Variants in HELQ observed in about 807,000 individuals in gnomAD.
HELQ encodes the protein helicase, POLQ like.
A neutral mutation model predicts 111.6 loss-of-function variants in HELQ; 77 were observed. The ratio of observed to expected loss-of-function variants is 0.69; its 90% CI spans 0.57 to 0.83. The LOEUF (loss-of-function observed/expected upper bound fraction) is 0.83. Ranked by LOEUF, HELQ falls within the 40% of genes least tolerant of loss-of-function variation. The pLI is 0.00. For missense variants in HELQ, 1,200 were observed against 1,288.5 expected (o/e 0.93, Z 1.05); for synonymous variants, 438 against 454.7 (o/e 0.96, Z 0.47).
chr4:83,420,550 C>T (rs1739621957), intron 15 of HELQ, among the ~76,000 whole-genome samples: 1 of 152,076 alleles, frequency 6.6e-6, no homozygotes, highest in Non-Finnish European at 1.5e-5. Flanking sequence ...TTTGCGAAGC[C>T]CAGGCAGGTG....
Position 83,439,872 on chromosome 4 carries a change from AATTTGC to A in HELQ, c.1793_1798del (p.Cys598_Lys599del), listed in dbSNP as rs1366069269. 1.3e-6 allele frequency: 2 copies of A among 1,578,896 alleles called. No individual in the cohort carries two copies. The highest frequency in any genetic ancestry group is 1.4e-5 in the African/African-American group (1 of 73,386). ...AAAAATATTAACATACTTGCTTAAA[AATTTGC>A]ATATCATTTCTGCTACATTTTCACA... is the stretch of plus-strand genomic sequence containing the variant. On this transcript the variant is annotated inframe_deletion, in exon 8 of 18. Transcript: ENST00000295488.
intron 2 of HELQ, among the ~76,000 whole-genome samples, chr4:83,451,790 G>A (rs1721388730): frequency 6.6e-6 from 1 of 152,228 alleles, no homozygotes; most frequent in Admixed American, 6.5e-5. Flanking sequence ...GGGAAGAACA[G>A]AGGGAAGAAA....
chr4:83,440,643 T>A (rs1720710726), intron 7 of HELQ, among the ~76,000 whole-genome samples: 1 of 152,218 alleles, frequency 6.6e-6, no homozygotes. Flanking sequence ...ATACAAGTCA[T>A]AAAACACTAA....
chr4:83,447,669 G>A (rs1721123610), intron 3 of HELQ, among the ~76,000 whole-genome samples: 1 of 151,924 alleles, frequency 6.6e-6, no homozygotes. Context: ...GATCAGCCTG[G>A]CCAACATGGC....
At chr4:83,441,223 T>C (rs1445473592) in intron 7 of HELQ, 82 bp downstream of exon 7, 4 of 762,900 alleles carry the variant, frequency 5.2e-6, no homozygotes, top group South Asian at 1.6e-5. Context: ...ATCTAGACTA[T>C]TCTACGGAAT....
chr4:83,427,177 T>C (rs1249103598), intron 13 of HELQ, among the ~76,000 whole-genome samples: 1 of 152,200 alleles, frequency 6.6e-6, no homozygotes, highest in Non-Finnish European at 1.5e-5. Flanking sequence ...AATCTTTTTT[T>C]CTTTTTTTTA....
rs1382958268 is a variant in HELQ, at chr4:83,443,513, A to C, written c.1563+4T>G. 1.4e-6 allele frequency: 2 copies of C among 1,391,644 alleles called. No homozygotes were observed. The highest frequency in any genetic ancestry group is 2.0e-6 in the Non-Finnish European group (2 of 988,628). The allele number at this position is 1,391,644 out of a possible 1,614,324, so 86.2% of individuals were successfully genotyped here. On this transcript the variant is annotated splice_donor_region_variant and intron_variant, in intron 6 of 17. Transcript: ENST00000295488. ...TCAATACAGTGCAAACCTTAGGTACATACTGGTCTAAATTGACTGGTATAA... is the reference window on the plus strand; with the variant it reads ...TCAATACAGTGCAAACCTTAGGTACCTACTGGTCTAAATTGACTGGTATAA...
At chr4:83,430,587 A>G (rs1720089912) in intron 11 of HELQ, among the ~76,000 whole-genome samples, 1 of 152,214 alleles carries the variant, frequency 6.6e-6, no homozygotes, top group Admixed American at 6.5e-5. Flanking sequence ...ACTAAAATAT[A>G]GTCAATCAAT....
In HELQ at chr4:83,430,676, T is replaced by C. The variant is rs538597749; in HGVS notation, c.2296-930A>G. Reference sequence around the variant, plus strand: ...GTCGTAATTTCATATTAAACCAATATAAGGGGTAAGAAAAATATAATGGAG... The same window carrying C: ...GTCGTAATTTCATATTAAACCAATACAAGGGGTAAGAAAAATATAATGGAG... On this transcript the variant is annotated intron_variant, in intron 11 of 17. Coordinates refer to ENST00000295488, the MANE Select transcript of HELQ (RefSeq NM_133636.5). Among the ~76,000 whole-genome samples, 23 of 152,324 alleles carry C rather than the reference T, an allele frequency of 1.5e-4. 1 individual carries two copies. In the South Asian group the frequency reaches 4.4e-3, roughly 29 times the overall value.
chr4:83,436,990 C>T lies in HELQ; in HGVS notation c.1916G>A (p.Gly639Glu). Reference sequence around the variant, plus strand: ...TAAGCCACTGTGGTGATAGGCAACTCCAAATGGGATAGTGCGCTTTAAAAC... The same window carrying T: ...TAAGCCACTGTGGTGATAGGCAACTTCAAATGGGATAGTGCGCTTTAAAAC... ...CPVLKRTIPF[G>E]VAYHHSGLTS... The change falls in exon 9 of 18, where the codon GGA becomes GAA. Residue 639 changes from glycine to glutamate, a missense_variant. Around this residue, in one of 3 missense-constraint regions of HELQ, gnomAD observed 585 missense variants for 665.3 expected, o/e 0.88. Coordinates refer to ENST00000295488, the MANE Select transcript of HELQ (RefSeq NM_133636.5). 1 of 1,614,158 alleles carries T rather than the reference C, an allele frequency of 6.2e-7. No homozygotes were observed. The highest frequency in any genetic ancestry group is 1.3e-5 in the African/African-American group (1 of 75,050).
Position 83,455,633 on chromosome 4 carries a change from T to A in HELQ, c.61A>T (p.Ser21Cys). ...GGAGCGCCAAAAATACACCCCAAGC[T>A]TGGACGGTTCCTTTTGGGGAGAGAC... Reference protein sequence around the residue: ...RVSLPKRNRPSLGCIFGAPTA... With the variant: ...RVSLPKRNRPCLGCIFGAPTA... The change falls in exon 1 of 18, where the codon AGC becomes TGC. Residue 21 changes from serine to cysteine, a missense_variant. Ser to Cys is a moderately radical substitution (Grantham distance 112). Coordinates refer to ENST00000295488, the MANE Select transcript of HELQ (RefSeq NM_133636.5). 6.2e-7 allele frequency: 1 copy of A among 1,613,762 alleles called. No homozygotes were observed.
Position 83,454,212 on chromosome 4 carries a change from A to AAAAC in HELQ, c.298-271_298-268dup, listed in dbSNP as rs528415712. Among the ~76,000 whole-genome samples, 11 of 152,280 alleles carry AAAAC rather than the reference A, an allele frequency of 7.2e-5. No individual in the cohort carries two copies. In the South Asian group the frequency reaches 1.5e-3, roughly 20 times the overall value. ...AGTGGGACTCTGTCTCAAAAAAACC[A>AAAAC]AAACAAACAAACAAACAAAACCCCC... On this transcript the variant is annotated intron_variant, in intron 1 of 17. Coordinates refer to ENST00000295488, the MANE Select transcript of HELQ (RefSeq NM_133636.5).
At chr4:83,422,196 G>T (rs1719557348) in intron 14 of HELQ, among the ~76,000 whole-genome samples, 1 of 152,108 alleles carries the variant, frequency 6.6e-6, no homozygotes, top group African/African-American at 2.4e-5. Context: ...CTCAGCCTGG[G>T]AGACAGAGTG....
chr4:83,422,977 G>A (rs1719623798), intron 14 of HELQ, among the ~76,000 whole-genome samples: 2 of 152,194 alleles, frequency 1.3e-5, no homozygotes, highest in African/African-American at 4.8e-5. Flanking sequence ...ATTGAAAAAT[G>A]CTTCCTGTAG....
Position 83,441,350 on chromosome 4 carries a change from G to A in HELQ, c.1617C>T (p.Ser539=). ...AAAAAGTCATGCCATTCTCAGCTTTGCTGTCAACTTCATATATTGTATCAT... is the reference window on the plus strand; with the variant it reads ...AAAAAGTCATGCCATTCTCAGCTTTACTGTCAACTTCATATATTGTATCAT... ...KINDTIYEVD[S]KAENGMTFSR... The change falls in exon 7 of 18, where the codon AGC becomes AGT. Residue 539 remains serine (S), a synonymous_variant. Coordinates refer to ENST00000295488, the MANE Select transcript of HELQ (RefSeq NM_133636.5). 1 of 1,595,078 alleles carries A rather than the reference G, an allele frequency of 6.3e-7. No individual in the cohort carries two copies. Among genetic ancestry groups the A allele is most frequent in the Non-Finnish European group, 8.6e-7 (1 of 1,165,684 alleles).
chr4:83,408,837 G>C (rs1738936188), intron 17 of HELQ, among the ~76,000 whole-genome samples: 1 of 151,880 alleles, frequency 6.6e-6, no homozygotes, highest in African/African-American at 2.4e-5. Context: ...ATCACCTCCA[G>C]AGAGAAAAAG....
chr4:83,415,936 C>T (rs1446734106), intron 17 of HELQ, among the ~76,000 whole-genome samples: 5 of 147,758 alleles, frequency 3.4e-5, no homozygotes, highest in East Asian at 2.0e-4. Flanking sequence ...TGTGAGCCAC[C>T]GAACCCAGCC....
In HELQ at chr4:83,436,899, G is replaced by A. The variant is rs150389870; in HGVS notation, c.2007C>T (p.Cys669=). 53 of 1,614,154 alleles carry A rather than the reference G, an allele frequency of 3.3e-5. No homozygotes were observed. In the African/African-American group the frequency reaches 5.9e-4, roughly 18 times the overall value. The change falls in exon 9 of 18, where the codon TGC becomes TGT. Residue 669 remains cysteine, a synonymous_variant. Coordinates refer to ENST00000295488, the MANE Select transcript of HELQ (RefSeq NM_133636.5). ...TGACACCTGCCGCTAGGGTAGATGT[G>A]CAGGTAAAAAGACAGAGCACTCCTG... ...YSTGVLCLFT[C]TSTLAAGVNL...
intron 6 of HELQ, among the ~76,000 whole-genome samples, chr4:83,441,808 T>TGTCTGC (rs1720773138): frequency 6.8e-6 from 1 of 147,676 alleles, no homozygotes; most frequent in South Asian, 2.2e-4. Context: ...GGTCTCACTC[T>TGTCTGC]ATCACCCAGG....
Sources: allele counts gnomAD v4.1 joint callset (sites outside exome capture counted in the v4.1 genomes callset), GRCh38; gene constraint gnomAD v4.1.1; regional missense constraint gnomAD v4.1.1; transcripts MANE v1.5; gene names NCBI Gene and HGNC (gene_info 2026-07-23, HGNC 2026-07-21).